CD200: variants seen among roughly 807,000 people sequenced by gnomAD.
CD200 encodes the protein OX-2 membrane glycoprotein.
A neutral mutation model predicts 30.9 loss-of-function variants in CD200; 15 were observed. The observed-to-expected ratio is 0.49, with a 90% confidence interval of 0.32 to 0.75. The LOEUF is 0.75. CD200 is among the 30% of genes least tolerant of loss of function. The pLI is 0.03. For synonymous variants in CD200, 134 were observed against 126.2 expected (o/e 1.06, Z -0.41); for missense variants, 262 against 324.2 (o/e 0.81, Z 1.47).
intron 2 of CD200, among the ~76,000 whole-genome samples, chr3:112,343,098 C>T (rs1188906806): frequency 6.6e-6 from 1 of 151,720 alleles, no homozygotes; most frequent in Non-Finnish European, 1.5e-5. Flanking sequence ...AAAAGTTTGG[C>T]TATTTGTTAT....
At chr3:112,356,225 A>G (rs1329674962) in intron 5 of CD200, among the ~76,000 whole-genome samples, 1 of 152,200 alleles carries the variant, frequency 6.6e-6, no homozygotes, top group Non-Finnish European at 1.5e-5. Flanking sequence ...TTTTTATACA[A>G]TAAAGAGAAA....
chr3:112,358,766 T>G (rs1184020177), intron 5 of CD200, among the ~76,000 whole-genome samples: 1 of 152,230 alleles, frequency 6.6e-6, no homozygotes, highest in African/African-American at 2.4e-5. Context: ...TTACCACAAC[T>G]TGGCTGTTCT....
rs779354794 is a variant in CD200, at chr3:112,345,171, C to A, written c.304C>A (p.Gln102Lys). Residue 102 changes from glutamine (Q) to lysine (K), a missense_variant, in exon 3 of 6, where the codon CAA (glutamine) becomes AAA (lysine). Transcript: ENST00000315711. ...DKINITQLGL[Q>K]NSTITFWNIT... is the part of the protein sequence containing the mutation. ...GATAAACATTACCCAGCTGGGACTC[C>A]AAAACTCAACCATCACCTTCTGGAA... 13 of 1,613,956 alleles carry A rather than the reference C, an allele frequency of 8.1e-6. No homozygotes were observed. Among genetic ancestry groups the A allele is most frequent in the Non-Finnish European group, 1.1e-5 (13 of 1,179,984 alleles).
At chr3:112,344,438 T>C (rs1159514216) in intron 2 of CD200, among the ~76,000 whole-genome samples, 1 of 152,232 alleles carries the variant, frequency 6.6e-6, no homozygotes, top group African/African-American at 2.4e-5. Flanking sequence ...TCTTTACCTA[T>C]GTTCCTATAT....
chr3:112,335,909 T>C (rs1262854756), intron 1 of CD200: 4 of 1,505,474 alleles, frequency 2.7e-6, no homozygotes, highest in Admixed American at 1.7e-5. Flanking sequence ...ATATTGGCTC[T>C]AATTTTTATC....
At chr3:112,339,067 G>A (rs957413215) in intron 1 of CD200, among the ~76,000 whole-genome samples, 7 of 152,204 alleles carry the variant, frequency 4.6e-5, no homozygotes, top group Non-Finnish European at 1.0e-4. Context: ...GCTAAGAACA[G>A]TGCCTAGTAC....
At chr3:112,350,447 A>C (rs138352166) in intron 5 of CD200, among the ~76,000 whole-genome samples, 1,659 of 152,254 alleles carry the variant, frequency 0.011, 19 homozygotes, top group Middle Eastern at 0.017. Context: ...ATTTTTTTTC[A>C]ATTCCTTTTC....
chr3:112,332,604 GAA>G, upstream of CD200: 1 of 198,420 alleles, frequency 5.0e-6, no homozygotes, highest in South Asian at 9.1e-5. Flanking sequence ...AGAAGAAGAA[GAA>G]GGAGAAGAAG....
Position 112,352,516 on chromosome 3 carries a change from A to G in CD200, c.802+2697A>G, listed in dbSNP as rs533167173. Among the ~76,000 whole-genome samples the G allele has an allele frequency of 2.7e-5, 4 of 149,052 alleles. No individual in the cohort carries two copies. In the South Asian group the frequency reaches 8.7e-4, roughly 32 times the overall value. ...CCTCAAAAATGGTGATGTGAACAGAAACACTAAAGTGAAGAGGTGGAACTG... is the reference window on the plus strand; with the variant it reads ...CCTCAAAAATGGTGATGTGAACAGAGACACTAAAGTGAAGAGGTGGAACTG... On this transcript the variant is annotated intron_variant, in intron 5 of 5. Coordinates refer to ENST00000315711, the MANE Select transcript of CD200 (RefSeq NM_005944.7).
chr3:112,344,938 A>G, intron 2 of CD200, 24 bp from the exon 3 acceptor site: 2 of 1,516,154 alleles, frequency 1.3e-6, no homozygotes, highest in Non-Finnish European at 1.8e-6. Flanking sequence ...CTTTAAATAT[A>G]AATGTTCTTT....
intron 1 of CD200, chr3:112,334,274 A>C (rs547481856): frequency 4.3e-5 from 42 of 985,138 alleles, no homozygotes; most frequent in Admixed American, 6.1e-5. Flanking sequence ...GAATAGGGGC[A>C]ATATAGCTAC....
At chr3:112,337,516 A>G (rs555406725) in intron 1 of CD200, among the ~76,000 whole-genome samples, 1 of 152,330 alleles carries the variant, frequency 6.6e-6, no homozygotes, top group Admixed American at 6.5e-5. Flanking sequence ...GAATGAAAAC[A>G]GGCTAAGAAC....
chr3:112,360,338 A>G (rs1418042730), intron 5 of CD200, among the ~76,000 whole-genome samples: 1 of 151,578 alleles, frequency 6.6e-6, no homozygotes, highest in Non-Finnish European at 1.5e-5. Context: ...AAAAAAATAT[A>G]TATATATATG....
rs767922759 is a variant in CD200 at position 112,340,945 on chromosome 3, T to C, written c.56T>C (p.Val19Ala). 1.2e-6 allele frequency: 2 copies of C among 1,612,770 alleles called. No homozygotes were observed. Among genetic ancestry groups the C allele is most frequent in the East Asian group, 4.5e-5 (2 of 44,872 alleles). Residue 19 changes from valine to alanine, a missense_variant, in exon 2 of 6, where the codon GTT becomes GCT. By Grantham distance (64) the Val-to-Ala change is moderately conservative. Transcript: ENST00000315711. Reference sequence around the variant, plus strand: ...TCTCATCTGTCTACCTACAGCCTGGTTTGGGTCATGGCAGCAGTGGTGCTG... The same window carrying C: ...TCTCATCTGTCTACCTACAGCCTGGCTTGGGTCATGGCAGCAGTGGTGCTG... ...PFSHLSTYSL[V>A]WVMAAVVLCT...
At chr3:112,339,904 C>T (rs1490383166) in intron 1 of CD200, among the ~76,000 whole-genome samples, 1 of 152,168 alleles carries the variant, frequency 6.6e-6, no homozygotes, top group East Asian at 1.9e-4. Context: ...AGTCCTGTCT[C>T]ATAGCTGGGC....
intron 5 of CD200, among the ~76,000 whole-genome samples, chr3:112,353,991 A>G (rs1166684634): frequency 2.0e-5 from 3 of 152,098 alleles, no homozygotes; most frequent in Admixed American, 6.5e-5. Flanking sequence ...TTCCAGGGCT[A>G]TTTTTCCGCA....
At chr3:112,349,978 C>T (rs1032867406) in intron 5 of CD200, 159 bp downstream of exon 5, 25 of 984,964 alleles carry the variant, frequency 2.5e-5, no homozygotes, top group East Asian at 1.1e-4. Context: ...TAAAATGCGT[C>T]GGGGCATTTT....
At chr3:112,360,499 T>A (rs1217091332) in intron 5 of CD200, among the ~76,000 whole-genome samples, 1 of 152,208 alleles carries the variant, frequency 6.6e-6, no homozygotes. Context: ...ATTTTATATC[T>A]GTTAAATCTG....
chr3:112,342,980 A>AGT (rs1403746949), intron 2 of CD200, among the ~76,000 whole-genome samples: 1 of 151,852 alleles, frequency 6.6e-6, no homozygotes, highest in Non-Finnish European at 1.5e-5. Context: ...CTTTGAGTAA[A>AGT]GTGTGTGTGT....
Sources: allele counts gnomAD v4.1 joint callset (sites outside exome capture counted in the v4.1 genomes callset), GRCh38; gene constraint gnomAD v4.1.1; transcripts MANE v1.5; gene names NCBI Gene and HGNC (gene_info 2026-07-23, HGNC 2026-07-21).